Variants in KIF21B observed in about 807,000 individuals in gnomAD.
KIF21B encodes the protein kinesin family member 21B.
In KIF21B, 85 loss-of-function variants were observed where a neutral mutation model predicts 192.9. That is an observed-to-expected ratio of 0.44 (90% confidence interval 0.37 to 0.53). The LOEUF (loss-of-function observed/expected upper bound fraction) is 0.53, where lower values mean the gene tolerates loss of function less well. Ranked by LOEUF, KIF21B falls within the 20% of genes least tolerant of loss-of-function variation. The pLI is 0.00. For synonymous variants in KIF21B, 832 were observed against 884.6 expected (o/e 0.94, Z 1.05); for missense variants, 1,716 against 2,194.8 (o/e 0.78, Z 4.36).
At chr1:200,981,497 G>T (rs1418342548) in intron 28 of KIF21B, among the ~76,000 whole-genome samples, 1 of 152,212 alleles carries the variant, frequency 6.6e-6, no homozygotes, top group Non-Finnish European at 1.5e-5. Flanking sequence ...GGGCCCTGTA[G>T]CTTCCACCAG....
chr1:200,988,733 G>A (rs1656473576), intron 22 of KIF21B, 33 bp downstream of exon 22: 1 of 1,584,588 alleles, frequency 6.3e-7, no homozygotes, highest in Admixed American at 1.7e-5. Context: ...GAATGCCAAG[G>A]AGCTGGCAGC....
rs777932365 is a variant in KIF21B, at chr1:201,005,384, T to C, written c.656A>G (p.Asn219Ser). Reference protein sequence around the residue: ...LSRTTASTQMNVQSSRSHAIF... With the variant: ...LSRTTASTQMSVQSSRSHAIF... Reference sequence around the variant, plus strand: ...GGCGTGGGAGCGTGAGCTCTGCACGTTCATCTGGGTGCTGGCTGTGGTGCG... The same window carrying C: ...GGCGTGGGAGCGTGAGCTCTGCACGCTCATCTGGGTGCTGGCTGTGGTGCG... The change falls in exon 5 of 35, where the codon AAC becomes AGC. Residue 219 changes from asparagine to serine, a missense_variant. Transcript: ENST00000461742. 6.2e-7 allele frequency: 1 copy of C among 1,613,328 alleles called. No homozygotes were observed. The highest frequency in any genetic ancestry group is 1.1e-5 in the South Asian group (1 of 90,964).
intron 1 of KIF21B, among the ~76,000 whole-genome samples, chr1:201,018,770 G>C (rs1478543763): frequency 6.6e-6 from 1 of 152,132 alleles, no homozygotes; most frequent in Admixed American, 6.5e-5. Flanking sequence ...ATACATTATA[G>C]TGCTTAGCCA....
chr1:201,007,341 C>G (rs1369609645), intron 3 of KIF21B, among the ~76,000 whole-genome samples: 2 of 92,754 alleles, frequency 2.2e-5, no homozygotes, highest in Non-Finnish European at 2.2e-5. Flanking sequence ...CACACACAGA[C>G]ACAGAGACAC....
chr1:201,014,090 G>C (rs945501870), intron 1 of KIF21B, among the ~76,000 whole-genome samples: 2 of 152,248 alleles, frequency 1.3e-5, no homozygotes, highest in African/African-American at 4.8e-5. Context: ...GAGCGGGCGC[G>C]AGAGCGAGGA....
rs1656630010 is a variant in KIF21B, at chr1:200,990,704, CCTT to C, written c.2704_2706del (p.Lys902del). On this transcript the variant is annotated inframe_deletion, in exon 19 of 35. Transcript: ENST00000461742. The surrounding 1 kb of genome is among the most constrained non-coding windows in gnomAD (Gnocchi z 5.4). ...GCCTTACTGAAGCTCTGGCTGGCCCCCTTCTTCTGGAACTTCTTTCTGGGAGAC... is the reference window on the plus strand; with the variant it reads ...GCCTTACTGAAGCTCTGGCTGGCCCCCTTCTGGAACTTCTTTCTGGGAGAC... The C allele has an allele frequency of 6.2e-7, 1 of 1,614,050 alleles. No individual in the cohort carries two copies. Among genetic ancestry groups the C allele is most frequent in the Admixed American group, 1.7e-5 (1 of 60,006 alleles).
At chr1:200,977,012 C>T in intron 31 of KIF21B, 119 bp from the exon 32 acceptor site, 4 of 975,924 alleles carry the variant, frequency 4.1e-6, no homozygotes, top group Non-Finnish European at 3.1e-6. Flanking sequence ...CCCTCTCGCT[C>T]AAGGCAAGAT....
chr1:201,022,610 G>A (rs1025611473), intron 1 of KIF21B, among the ~76,000 whole-genome samples: 6 of 152,104 alleles, frequency 3.9e-5, no homozygotes, highest in Admixed American at 1.3e-4. Flanking sequence ...CTCAAGTCCC[G>A]GAGCTGTTGA....
chr1:200,973,350 T>G lies in KIF21B; in HGVS notation c.*171A>C. The G allele has an allele frequency of 7.0e-6, 5 of 711,726 alleles. No individual in the cohort carries two copies. The highest frequency in any genetic ancestry group is 4.2e-5 in the Admixed American group (1 of 23,712). 44.1% of individuals were successfully genotyped at this position (711,726 alleles called of 1,614,324 possible). A position where few individuals can be genotyped will look rare whatever the true frequency, so the allele number is the denominator to read the frequency against. On this transcript the variant is annotated 3_prime_UTR_variant, in exon 35 of 35. Coordinates refer to ENST00000461742, the MANE Select transcript of KIF21B (RefSeq NM_001252102.2). ...AGGCTCCTGAGAGGCAGGGGAGGGA[T>G]GAGGGAACAGTGTCCTGTGGGAAGG...
rs890315544 is a variant in KIF21B, at chr1:201,004,699, A to T, written c.900+67T>A. 3 of 1,583,990 alleles carry T rather than the reference A, an allele frequency of 1.9e-6. No homozygotes were observed. The African/African-American group carries it at 4.0e-5, about 21-fold the overall frequency. ...GAGGACTCAGCAGGTGTAGGACTGC[A>T]GGGCCTTGGAGGGGTCTGAGACTGA... On this transcript the variant is annotated intron_variant, in intron 6 of 34. Coordinates refer to ENST00000461742, the MANE Select transcript of KIF21B (RefSeq NM_001252102.2).
At position 201,000,691 on chromosome 1, in the gene KIF21B, A is replaced by G. The variant is rs1657435969; in HGVS notation, c.1466+26T>C. The G allele has an allele frequency of 1.1e-5, 18 of 1,614,038 alleles. No individual in the cohort carries two copies. The highest frequency in any genetic ancestry group is 1.5e-5 in the Non-Finnish European group (18 of 1,179,958). ...CCTGGCCGAGGCCCCCAGCCCGCGCACACCTGCCGGAGCTCACTCACTCAC... is the reference window on the plus strand; with the variant it reads ...CCTGGCCGAGGCCCCCAGCCCGCGCGCACCTGCCGGAGCTCACTCACTCAC... On this transcript the variant is annotated intron_variant, in intron 10 of 34. Transcript: ENST00000461742. This position sits in a 1 kb window ranked among gnomAD's most constrained non-coding sequence, Gnocchi z 6.0.
chr1:200,998,133 C>T lies in KIF21B; in HGVS notation c.2077+251G>A, dbSNP rs556712903. Among the ~76,000 whole-genome samples the T allele has an allele frequency of 1.3e-5, 2 of 152,108 alleles. No homozygotes were observed. Among genetic ancestry groups the T allele is most frequent in the South Asian group, 4.2e-4 (2 of 4,802 alleles). On this transcript the variant is annotated intron_variant, in intron 14 of 34. Transcript: ENST00000461742. The surrounding 1 kb of genome is among the most constrained non-coding windows in gnomAD (Gnocchi z 4.3). ...AGGCTGGGAGTGTCATGTTCGCGTG[C>T]CTAGGTATATAAAGAATTCTAATAC...
At chr1:201,005,254 T>A in intron 5 of KIF21B, 54 bp downstream of exon 5, 1 of 1,512,354 alleles carries the variant, frequency 6.6e-7, no homozygotes, top group Non-Finnish European at 8.8e-7. Flanking sequence ...ATCTTGCCCT[T>A]CCCGGGATAC....
intron 7 of KIF21B, 43 bp downstream of exon 7, chr1:201,004,297 C>T (rs1657673540): frequency 1.3e-6 from 2 of 1,488,304 alleles, no homozygotes; most frequent in Non-Finnish European, 1.8e-6. Context: ...CAGGAACCTC[C>T]CTGCCTCCCC....
At position 201,000,247 on chromosome 1, in the gene KIF21B, A is replaced by G; in HGVS notation, c.1685+143T>C. ...GAGCAAATCTGCGCCATGAATTCCC[A>G]AGCAATACTGAGGCAGCCCCTGGGG... On this transcript the variant is annotated intron_variant, in intron 11 of 34. Transcript: ENST00000461742. The surrounding 1 kb of genome is among the most constrained non-coding windows in gnomAD (Gnocchi z 6.0). 2.2e-6 allele frequency: 2 copies of G among 898,266 alleles called. No homozygotes were observed. Among genetic ancestry groups the G allele is most frequent in the African/African-American group, 3.3e-5 (2 of 60,124 alleles). The allele number at this position is 898,266 out of a possible 1,614,324, so 55.6% of individuals were successfully genotyped here.
At chr1:200,989,816 G>A (rs1043035937) in intron 21 of KIF21B, 126 bp downstream of exon 21, 4 of 686,832 alleles carry the variant, frequency 5.8e-6, no homozygotes, top group Non-Finnish European at 1.0e-5. Flanking sequence ...CAGAGGTTAG[G>A]CGGCTTGTCC....
intron 14 of KIF21B, among the ~76,000 whole-genome samples, chr1:200,996,999 A>G (rs1657108893): frequency 6.6e-6 from 1 of 152,236 alleles, no homozygotes; most frequent in Non-Finnish European, 1.5e-5. Context: ...AGCAATCAAC[A>G]AAGCCTTCTG....
intron 24 of KIF21B, among the ~76,000 whole-genome samples, chr1:200,987,926 T>C (rs986248192): frequency 8.5e-5 from 13 of 152,206 alleles, no homozygotes; most frequent in African/African-American, 3.1e-4. Context: ...TGTGTGCACG[T>C]AAGATAACCA....
chr1:200,975,399 TG>T lies in KIF21B; in HGVS notation c.4614+99del. 9.1e-7 allele frequency: 1 copy of T among 1,104,822 alleles called. No individual in the cohort carries two copies. Among genetic ancestry groups the T allele is most frequent in the Non-Finnish European group, 1.3e-6 (1 of 757,818 alleles). 68.4% of individuals were successfully genotyped at this position (1,104,822 alleles called of 1,614,324 possible). On this transcript the variant is annotated intron_variant, in intron 33 of 34. Transcript: ENST00000461742. The surrounding 1 kb of genome is among the most constrained non-coding windows in gnomAD (Gnocchi z 4.3). ...GGGGAGCTGTGAAAACCATCTGGCC[TG>T]GGGCCCGCGAGTCCAGGTCCCAGGG...
Sources: gnomAD v4.1 joint callset for allele counts (sites outside exome capture counted in the v4.1 genomes callset) on GRCh38, gnomAD v4.1.1 for gene constraint, Gnocchi (gnomAD v3.1) non-coding constraint, MANE v1.5 for transcripts, NCBI Gene and HGNC (gene_info 2026-07-23, HGNC 2026-07-21) for gene names.